EIF2B3: variants seen among roughly 807,000 people sequenced by gnomAD.
EIF2B3 encodes the protein eukaryotic translation initiation factor 2B subunit gamma, also known as translation initiation factor eIF2B subunit gamma.
In EIF2B3, 20 loss-of-function variants were observed where a neutral mutation model predicts 54.1. The observed-to-expected ratio is 0.37, with a 90% CI of 0.26 to 0.54. The LOEUF (loss-of-function observed/expected upper bound fraction) is 0.54, where lower values mean the gene tolerates loss of function less well. EIF2B3 is among the 20% of genes least tolerant of loss of function. The pLI is 0.86. For missense variants in EIF2B3, 448 were observed against 547.8 expected (o/e 0.82, Z 1.82); for synonymous variants, 153 against 188.1 (o/e 0.81, Z 1.52).
intron 4 of EIF2B3, among the ~76,000 whole-genome samples, chr1:44,929,016 T>A (rs1352794307): frequency 6.6e-6 from 1 of 152,246 alleles, no homozygotes; most frequent in Non-Finnish European, 1.5e-5. Context: ...AAAATGGGGA[T>A]AATAATAGTG....
intron 8 of EIF2B3, among the ~76,000 whole-genome samples, 165 bp downstream of exon 8, chr1:44,879,653 G>C (rs912837352): frequency 2.6e-5 from 4 of 152,080 alleles, no homozygotes; most frequent in Admixed American, 6.5e-5. Context: ...CCTTTTTGCT[G>C]CACCTGAGTA....
chr1:44,893,521 A>G (rs1426259774), intron 6 of EIF2B3, among the ~76,000 whole-genome samples: 1 of 152,194 alleles, frequency 6.6e-6, no homozygotes, highest in East Asian at 1.9e-4. Flanking sequence ...CATGATATTG[A>G]GCAAATGACT....
At chr1:44,953,782 C>T (rs1382573028) in intron 3 of EIF2B3, among the ~76,000 whole-genome samples, 2 of 152,114 alleles carry the variant, frequency 1.3e-5, no homozygotes, top group African/African-American at 4.8e-5. Context: ...ACTGGAGTGA[C>T]ATTCTGTCTC....
chr1:44,933,752 AAAATGCTATTAGGCCAT>A (rs1261921107), intron 4 of EIF2B3, among the ~76,000 whole-genome samples: 2 of 152,208 alleles, frequency 1.3e-5, no homozygotes, highest in Non-Finnish European at 2.9e-5. Context: ...AACTGTCCAC[AAAATGCTATTAGGCCAT>A]AAATGCTATT....
intron 4 of EIF2B3, among the ~76,000 whole-genome samples, chr1:44,931,874 T>C (rs192384726): frequency 6.6e-6 from 1 of 152,358 alleles, no homozygotes; most frequent in East Asian, 1.9e-4. Flanking sequence ...CCCAGCACTT[T>C]GGGAGGCCAA....
intron 2 of EIF2B3, among the ~76,000 whole-genome samples, chr1:44,979,882 C>T (rs1644495470): frequency 6.6e-6 from 1 of 151,976 alleles, no homozygotes; most frequent in Admixed American, 6.6e-5. Flanking sequence ...AGGAGAATTG[C>T]TTAAACCTGG....
intron 3 of EIF2B3, among the ~76,000 whole-genome samples, chr1:44,944,247 G>A (rs893133309): frequency 6.6e-6 from 1 of 152,216 alleles, no homozygotes; most frequent in South Asian, 2.1e-4. Context: ...TTTGCCCTTC[G>A]TGAATCAACC....
chr1:44,981,184 G>C lies in EIF2B3; in HGVS notation c.-9-7C>G, dbSNP rs1279077009. 1 of 1,611,812 alleles carries C rather than the reference G, an allele frequency of 6.2e-7. No homozygotes were observed. The highest frequency in any genetic ancestry group is 8.5e-7 in the Non-Finnish European group (1 of 1,179,680). On this transcript the variant is annotated splice_region_variant and splice_polypyrimidine_tract_variant and intron_variant, in intron 1 of 11. Transcript: ENST00000360403. ...GAAATTCCATTTTTACAAACTGCAA[G>C]TACAGAAAAAACAATTAACAGAAAA... is the stretch of plus-strand genomic sequence containing the variant.
intron 4 of EIF2B3, among the ~76,000 whole-genome samples, chr1:44,934,238 A>AATAC (rs1643922896): frequency 6.6e-6 from 1 of 151,526 alleles, no homozygotes; most frequent in South Asian, 2.1e-4. Context: ...TTTACTAAAA[A>AATAC]ATACAAAAAA....
chr1:44,922,160 C>T (rs112737732), intron 5 of EIF2B3, among the ~76,000 whole-genome samples: 22,510 of 151,058 alleles, frequency 0.15, 1,804 homozygotes, highest in Non-Finnish European at 0.17. Flanking sequence ...ATGATTCACC[C>T]GCCTTGGCCT....
In EIF2B3 at chr1:44,859,524, G is replaced by A. The variant is rs138085344; in HGVS notation, c.1203-1717C>T. Reference sequence around the variant, plus strand: ...AATATAAAAATTAGCCAAGCATGGCGGTGCGCACCTGTGATCCCAGCTACT... The same window carrying A: ...AATATAAAAATTAGCCAAGCATGGCAGTGCGCACCTGTGATCCCAGCTACT... On this transcript the variant is annotated intron_variant, in intron 10 of 11. Transcript: ENST00000360403. Among the ~76,000 whole-genome samples, 1,046 of 151,894 alleles carry A rather than the reference G, an allele frequency of 6.9e-3. 12 individuals carry two copies. The highest frequency in any genetic ancestry group is 0.023 in the African/African-American group (973 of 41,430).
intron 3 of EIF2B3, among the ~76,000 whole-genome samples, chr1:44,974,746 T>G (rs1644436178): frequency 6.6e-6 from 1 of 152,186 alleles, no homozygotes; most frequent in Non-Finnish European, 1.5e-5. Context: ...GGCAATATGA[T>G]GATAAGGTCC....
intron 3 of EIF2B3, among the ~76,000 whole-genome samples, chr1:44,957,441 T>C (rs780834687): frequency 1.3e-5 from 2 of 152,214 alleles, no homozygotes; most frequent in Non-Finnish European, 2.9e-5. Flanking sequence ...TTTTAAATGG[T>C]CCTTAAACAT....
At chr1:44,975,477 G>A (rs1217442179) in intron 3 of EIF2B3, among the ~76,000 whole-genome samples, 4 of 152,070 alleles carry the variant, frequency 2.6e-5, no homozygotes, top group African/African-American at 9.7e-5. Context: ...AAACCTGTAT[G>A]TTATTATATA....
chr1:44,892,856 G>A (rs764032524), intron 6 of EIF2B3, among the ~76,000 whole-genome samples: 15 of 152,096 alleles, frequency 9.9e-5, no homozygotes, highest in Non-Finnish European at 2.9e-5. Context: ...AGGACACATT[G>A]TGCAATCTCT....
At chr1:44,937,841 G>A (rs1482325019) in intron 4 of EIF2B3, among the ~76,000 whole-genome samples, 5 of 126,310 alleles carry the variant, frequency 4.0e-5, no homozygotes, top group Non-Finnish European at 6.3e-5. Flanking sequence ...CCGAGATCGC[G>A]CCACTGCACT....
rs538892036 is a variant in EIF2B3 at position 44,952,123 on chromosome 1, C to T, written c.295-10458G>A. On this transcript the variant is annotated intron_variant, in intron 3 of 11. Transcript: ENST00000360403. ...GACTACAGGCGCCCGCCACTACGCCCGGCTAATTTTTTTGTATTTTTAGTA... is the reference window on the plus strand; with the variant it reads ...GACTACAGGCGCCCGCCACTACGCCTGGCTAATTTTTTTGTATTTTTAGTA... 3.6e-5 allele frequency among the ~76,000 whole-genome samples: 5 copies of T among 137,968 alleles called. 2 individuals are homozygous for T. The highest frequency in any genetic ancestry group is 7.4e-5 in the Admixed American group (1 of 13,604). 90.5% of individuals were successfully genotyped at this position (137,968 alleles called of 152,430 possible). A position where few individuals can be genotyped will look rare whatever the true frequency, so the allele number is the denominator to read the frequency against.
intron 5 of EIF2B3, among the ~76,000 whole-genome samples, chr1:44,916,810 CA>C (rs58666630): frequency 1.6e-3 from 182 of 111,206 alleles, no homozygotes; most frequent in Middle Eastern, 5.6e-3. Flanking sequence ...GATTCTGTCG[CA>C]AAAAAAAAAA....
intron 5 of EIF2B3, among the ~76,000 whole-genome samples, chr1:44,921,024 C>T (rs1351128291): frequency 6.6e-6 from 1 of 152,108 alleles, no homozygotes; most frequent in Non-Finnish European, 1.5e-5. Flanking sequence ...TATGAGAGTT[C>T]CCCTTTCTCT....
Sources: gnomAD v4.1 joint callset for allele counts (sites outside exome capture counted in the v4.1 genomes callset) on GRCh38, gnomAD v4.1.1 for gene constraint, MANE v1.5 for transcripts, NCBI Gene and HGNC (gene_info 2026-07-23, HGNC 2026-07-21) for gene names.